The following DLG2 variants were observed in gnomAD, a reference collection of about 807,000 sequenced individuals.
DLG2 encodes disks large homolog 2.
DLG2 carries 45 observed loss-of-function variants against 132.5 expected under a neutral mutation model. That is an observed-to-expected ratio of 0.34 (90% CI 0.27 to 0.44). DLG2 has a LOEUF of 0.44. DLG2 is among the 20% of genes least tolerant of loss of function. DLG2 has a pLI of 1.00. For synonymous variants in DLG2, 424 were observed against 419.6 expected (o/e 1.01, Z -0.13); for missense variants, 1,045 against 1,196.9 (o/e 0.87, Z 1.87).
chr11:83,817,100 G>A (rs1207908988), intron 17 of DLG2, among the ~76,000 whole-genome samples: 3 of 152,054 alleles, frequency 2.0e-5, no homozygotes, highest in African/African-American at 7.2e-5. Flanking sequence ...TATATGTCAG[G>A]TAAACAAGAC....
At chr11:84,746,145 T>C (rs2065328159) in intron 6 of DLG2, among the ~76,000 whole-genome samples, 2 of 151,666 alleles carry the variant, frequency 1.3e-5, no homozygotes. Context: ...TTTTGACAGC[T>C]GTGGGCAAGG....
At chr11:84,628,001 T>C (rs1565494903) in intron 6 of DLG2, among the ~76,000 whole-genome samples, 2 of 152,072 alleles carry the variant, frequency 1.3e-5, no homozygotes, top group Admixed American at 6.6e-5. Flanking sequence ...GGGACATATA[T>C]GATCCAAACT....
chr11:83,468,090 C>T (rs1472092013), intron 25 of DLG2, among the ~76,000 whole-genome samples: 2 of 151,774 alleles, frequency 1.3e-5, no homozygotes, highest in African/African-American at 4.8e-5. Flanking sequence ...TCCTCATTAC[C>T]CTGAGGCTAG....
At chr11:84,272,222 A>C (rs1359583862) in intron 7 of DLG2, 2 of 395,124 alleles carry the variant, frequency 5.1e-6, no homozygotes, top group East Asian at 1.6e-4. Flanking sequence ...AGTGATTTCG[A>C]AGTTACAGGG....
chr11:83,685,830 C>T (rs1199748932), intron 18 of DLG2, among the ~76,000 whole-genome samples: 1 of 152,006 alleles, frequency 6.6e-6, no homozygotes, highest in African/African-American at 2.4e-5. Context: ...CTCTTGGTTT[C>T]CTCTCCTGAA....
rs182385530 is a variant in DLG2 at position 85,183,820 on chromosome 11, G to A, written c.187-29169C>T. Reference sequence around the variant, plus strand: ...CATTATCTTAGCTGGAACTCCATCCGTTTCTTGCTTCTCACTCTTTCTCAC... The same window carrying A: ...CATTATCTTAGCTGGAACTCCATCCATTTCTTGCTTCTCACTCTTTCTCAC... On this transcript the variant is annotated intron_variant, in intron 4 of 27. Coordinates refer to ENST00000376104, the MANE Select transcript of DLG2 (RefSeq NM_001142699.3). Among the ~76,000 whole-genome samples, 302 of 151,900 alleles carry A rather than the reference G, an allele frequency of 2.0e-3. 1 individual carries two copies. Among genetic ancestry groups the A allele is most frequent in the Non-Finnish European group, 2.9e-3 (195 of 67,852 alleles).
intron 3 of DLG2, among the ~76,000 whole-genome samples, chr11:85,486,383 T>G (rs1438512895): frequency 6.6e-6 from 1 of 152,154 alleles, no homozygotes; most frequent in African/African-American, 2.4e-5. Context: ...ACAGGGAACA[T>G]TCCACCAGTA....
intron 7 of DLG2, among the ~76,000 whole-genome samples, chr11:84,388,206 G>A (rs1189300414): frequency 1.3e-5 from 2 of 152,128 alleles, no homozygotes; most frequent in Non-Finnish European, 2.9e-5. Flanking sequence ...TTACTGGAGG[G>A]AAGTACCATA....
chr11:84,946,860 CAATGGTGGTGCTAGCCGG>C (rs2050271802), intron 6 of DLG2, among the ~76,000 whole-genome samples: 1 of 152,162 alleles, frequency 6.6e-6, no homozygotes, highest in African/African-American at 2.4e-5. Context: ...CTTTAGCATG[CAATGGTGGTGCTAGCCGG>C]AACTCAGGTT....
chr11:84,745,164 T>C (rs2065203885), intron 6 of DLG2, among the ~76,000 whole-genome samples: 1 of 152,194 alleles, frequency 6.6e-6, no homozygotes, highest in Non-Finnish European at 1.5e-5. Context: ...CTATAATTTA[T>C]ATGTAAGGTT....
At chr11:84,491,754 A>G (rs1276914899) in intron 7 of DLG2, among the ~76,000 whole-genome samples, 9 of 152,176 alleles carry the variant, frequency 5.9e-5, no homozygotes, top group Admixed American at 5.9e-4. Context: ...GTCAAGTTCC[A>G]TGGTTTTTAA....
chr11:84,646,141 A>G (rs79622658), intron 6 of DLG2, among the ~76,000 whole-genome samples: 4,869 of 152,280 alleles, frequency 0.032, 109 homozygotes, highest in Non-Finnish European at 0.05. Flanking sequence ...GTGCGGCTGT[A>G]TTCTCTAGCA....
chr11:85,078,260 AGTGTGT>A (rs1451470668), intron 6 of DLG2, among the ~76,000 whole-genome samples: 1 of 150,772 alleles, frequency 6.6e-6, no homozygotes, highest in Non-Finnish European at 1.5e-5. Context: ...AATGACAGGC[AGTGTGT>A]GTGGACTAGA....
intron 17 of DLG2, among the ~76,000 whole-genome samples, chr11:83,796,815 G>T (rs981212787): frequency 5.9e-5 from 9 of 152,178 alleles, no homozygotes. Flanking sequence ...GAATGAACTA[G>T]AGTGACACAT....
At chr11:83,540,164 T>C (rs1342279192) in intron 20 of DLG2, among the ~76,000 whole-genome samples, 4 of 152,178 alleles carry the variant, frequency 2.6e-5, no homozygotes, top group Non-Finnish European at 4.4e-5. Context: ...CTCTTTCTTC[T>C]AGAGAACAGC....
intron 6 of DLG2, among the ~76,000 whole-genome samples, chr11:84,682,558 T>C (rs1165110577): frequency 1.3e-5 from 2 of 152,164 alleles, no homozygotes; most frequent in African/African-American, 4.8e-5. Flanking sequence ...AACAATCAGA[T>C]GTGGTTGCTG....
chr11:84,275,585 G>A (rs1286414386), intron 7 of DLG2, among the ~76,000 whole-genome samples: 2 of 152,170 alleles, frequency 1.3e-5, no homozygotes, highest in African/African-American at 4.8e-5. Flanking sequence ...TTGATCTCCT[G>A]ACCTCGTGAT....
chr11:84,232,193 T>A (rs1228711830), intron 8 of DLG2, among the ~76,000 whole-genome samples: 1 of 152,156 alleles, frequency 6.6e-6, no homozygotes, highest in African/African-American at 2.4e-5. Context: ...CCATACTATC[T>A]TTCTAAAGAA....
Position 84,330,284 on chromosome 11 carries a change from A to G in DLG2, c.520-78993T>C, listed in dbSNP as rs138099983. Among the ~76,000 whole-genome samples the G allele has an allele frequency of 3.5e-3, 538 of 152,308 alleles. 2 individuals carry two copies. Among genetic ancestry groups the G allele is most frequent in the Non-Finnish European group, 5.8e-3 (396 of 68,020 alleles). ...TCCTAAACTTATTTTCTCAAATTATATTTTGGGCAAGGCTTTCTGCTTCTG... is the reference window on the plus strand; with the variant it reads ...TCCTAAACTTATTTTCTCAAATTATGTTTTGGGCAAGGCTTTCTGCTTCTG... On this transcript the variant is annotated intron_variant, in intron 7 of 27. Coordinates refer to ENST00000376104, the MANE Select transcript of DLG2 (RefSeq NM_001142699.3).
Sources: gnomAD v4.1 joint callset for allele counts (sites outside exome capture counted in the v4.1 genomes callset) on GRCh38, gnomAD v4.1.1 for gene constraint, MANE v1.5 for transcripts, NCBI Gene and HGNC (gene_info 2026-07-23, HGNC 2026-07-21) for gene names.